The following BTF3L4 variants were observed in gnomAD, a reference collection of about 807,000 sequenced individuals.
BTF3L4 encodes the protein basic transcription factor 3 like 4.
BTF3L4 carries 6 observed loss-of-function variants against 16.8 expected under a neutral mutation model. That is an observed-to-expected ratio of 0.36 (90% CI 0.20 to 0.71). The LOEUF (loss-of-function observed/expected upper bound fraction) is 0.71. BTF3L4 is among the 30% of genes least tolerant of loss of function. BTF3L4 has a pLI of 0.58. For synonymous variants in BTF3L4, 39 were observed against 59.8 expected (o/e 0.65, Z 1.60); for missense variants, 92 against 186.9 (o/e 0.49, Z 2.96).
intron 1 of BTF3L4, among the ~76,000 whole-genome samples, chr1:52,056,942 G>C (rs1378306780): frequency 6.6e-6 from 1 of 152,124 alleles, no homozygotes; most frequent in African/African-American, 2.4e-5. Flanking sequence ...AGTGAATGGC[G>C]GTTTCAACTT....
intron 2 of BTF3L4, chr1:52,060,362 T>C: frequency 1.3e-6 from 1 of 751,756 alleles, no homozygotes; most frequent in Non-Finnish European, 1.9e-6. Flanking sequence ...TGACTGGATG[T>C]TACCTACTTG....
rs1444904704 is a variant in BTF3L4 at position 52,087,500 on chromosome 1, A to G, written c.*742A>G. On this transcript the variant is annotated 3_prime_UTR_variant, in exon 6 of 6. Coordinates refer to ENST00000313334, the MANE Select transcript of BTF3L4 (RefSeq NM_152265.5). ...TCAGCTTTTGGTAATATTCTTCCTC[A>G]TCTTCCACCTAGCTTGAGAAGGATG... 6.6e-6 allele frequency: 1 copy of G among 152,062 alleles called. No homozygotes were observed. The highest frequency in any genetic ancestry group is 1.5e-5 in the Non-Finnish European group (1 of 67,996). 9.4% of individuals were successfully genotyped at this position (152,062 alleles called of 1,614,324 possible).
chr1:52,071,593 C>A (rs1043009937), intron 3 of BTF3L4, among the ~76,000 whole-genome samples: 2 of 152,094 alleles, frequency 1.3e-5, no homozygotes, highest in African/African-American at 4.8e-5. Context: ...GATTGTTCTG[C>A]AGTAAGTTAG....
chr1:52,056,680 T>G (rs969493922), intron 1 of BTF3L4, among the ~76,000 whole-genome samples: 2 of 152,250 alleles, frequency 1.3e-5, no homozygotes, highest in African/African-American at 4.8e-5. Flanking sequence ...CATTACTCCT[T>G]GCTCACAACA....
chr1:52,069,437 A>G (rs1388423718), intron 3 of BTF3L4, among the ~76,000 whole-genome samples: 1 of 152,172 alleles, frequency 6.6e-6, no homozygotes, highest in Non-Finnish European at 1.5e-5. Context: ...CATTAAATGT[A>G]TACATGAAAA....
chr1:52,062,346 C>T, intron 2 of BTF3L4, among the ~76,000 whole-genome samples: 1 of 151,720 alleles, frequency 6.6e-6, no homozygotes, highest in Non-Finnish European at 1.5e-5. Context: ...GGATTACAGG[C>T]ACGCGCCACC....
At chr1:52,073,505 C>CAT (rs1324994796) in intron 3 of BTF3L4, among the ~76,000 whole-genome samples, 1 of 141,972 alleles carries the variant, frequency 7.0e-6, no homozygotes. Flanking sequence ...CACACACACA[C>CAT]ACACACACAC....
At chr1:52,070,265 C>T (rs1686751715) in intron 3 of BTF3L4, among the ~76,000 whole-genome samples, 1 of 150,830 alleles carries the variant, frequency 6.6e-6, no homozygotes, top group Admixed American at 6.6e-5. Flanking sequence ...GCTTCTCTGA[C>T]CTTCTTTGGT....
chr1:52,061,045 T>G (rs559911457), intron 2 of BTF3L4, among the ~76,000 whole-genome samples: 1 of 152,342 alleles, frequency 6.6e-6, no homozygotes, highest in East Asian at 1.9e-4. Context: ...AGATCACAGC[T>G]CTGCTTGGGA....
In BTF3L4 at chr1:52,082,133, C is replaced by T. The variant is rs115410489; in HGVS notation, c.169-1207C>T. ...GGGAATCAACTACATAGTGGAATCA[C>T]GTTATTCACACATTTAACTTACACA... On this transcript the variant is annotated intron_variant, in intron 3 of 5. Coordinates refer to ENST00000313334, the MANE Select transcript of BTF3L4 (RefSeq NM_152265.5). 5.2e-3 allele frequency among the ~76,000 whole-genome samples: 789 copies of T among 152,172 alleles called. 13 individuals carry two copies. The highest frequency in any genetic ancestry group is 0.018 in the African/African-American group (765 of 41,506).
chr1:52,089,921 C>G lies in BTF3L4; in HGVS notation c.*3163C>G, dbSNP rs3015299. On this transcript the variant is annotated 3_prime_UTR_variant, in exon 6 of 6. Coordinates refer to ENST00000313334, the MANE Select transcript of BTF3L4 (RefSeq NM_152265.5). ...AGTTCTTATGAAAAACCCATATCTGCGATATGTTTGATTTGTTTCTTTGTT... is the reference window on the plus strand; with the variant it reads ...AGTTCTTATGAAAAACCCATATCTGGGATATGTTTGATTTGTTTCTTTGTT... The G allele has an allele frequency of 0.95, 145,371 of 152,316 alleles. 69,440 individuals are homozygous for G. The highest frequency in any genetic ancestry group is 1 in the East Asian group (5,186 of 5,186). 9.4% of individuals were successfully genotyped at this position (152,316 alleles called of 1,614,324 possible).
chr1:52,061,210 AATGG>A (rs1686498541), intron 2 of BTF3L4, among the ~76,000 whole-genome samples: 1 of 152,090 alleles, frequency 6.6e-6, no homozygotes, highest in South Asian at 2.1e-4. Context: ...GCAGAAAGGT[AATGG>A]GTGGTGGCTC....
intron 5 of BTF3L4, 134 bp downstream of exon 5, chr1:52,086,305 G>T (rs1009060038): frequency 1.6e-6 from 1 of 627,938 alleles, no homozygotes; most frequent in Non-Finnish European, 2.6e-6. Flanking sequence ...ATGTGGATAG[G>T]ATCTAATGAA....
At chr1:52,086,502 G>T (rs878874306) in intron 5 of BTF3L4, 2 of 491,652 alleles carry the variant, frequency 4.1e-6, no homozygotes, top group South Asian at 7.6e-5. Flanking sequence ...ATAGACAAAA[G>T]ATGAACATTT....
intron 3 of BTF3L4, among the ~76,000 whole-genome samples, chr1:52,077,919 C>T (rs928592400): frequency 1.6e-4 from 25 of 152,246 alleles, no homozygotes; most frequent in Admixed American, 9.8e-4. Context: ...TGGGCTGATT[C>T]TGAAAGGTCA....
At chr1:52,060,468 A>T in intron 2 of BTF3L4, 2 of 1,271,372 alleles carry the variant, frequency 1.6e-6, no homozygotes, top group Non-Finnish European at 1.0e-6. Flanking sequence ...CATGTTGGTG[A>T]ATATGAATAT....
intron 2 of BTF3L4, 30 bp from the exon 3 acceptor site, chr1:52,064,795 C>T: frequency 6.9e-7 from 1 of 1,456,288 alleles, no homozygotes; most frequent in Non-Finnish European, 9.5e-7. Flanking sequence ...GGCATGCTAA[C>T]ACTTCTGCTT....
chr1:52,082,227 CAT>C (rs1307192532), intron 3 of BTF3L4, among the ~76,000 whole-genome samples: 1 of 152,254 alleles, frequency 6.6e-6, no homozygotes, highest in African/African-American at 2.4e-5. Context: ...TTAAGTAGCA[CAT>C]GTTAAACCTT....
intron 3 of BTF3L4, among the ~76,000 whole-genome samples, chr1:52,082,049 T>A (rs61782475): frequency 6.6e-6 from 1 of 152,130 alleles, no homozygotes; most frequent in Non-Finnish European, 1.5e-5. Flanking sequence ...AGCCAAGAGT[T>A]AACTCTTCCT....
Sources: gnomAD v4.1 joint callset for allele counts (sites outside exome capture counted in the v4.1 genomes callset) on GRCh38, gnomAD v4.1.1 for gene constraint, MANE v1.5 for transcripts, NCBI Gene and HGNC (gene_info 2026-07-23, HGNC 2026-07-21) for gene names.